NSMCE1: variants seen among roughly 807,000 people sequenced by gnomAD.
The protein encoded by NSMCE1 is non-structural maintenance of chromosomes element 1 homolog.
NSMCE1 carries 18 observed loss-of-function variants against 29.6 expected under a neutral mutation model. That is an observed-to-expected ratio of 0.61 (90% CI 0.42 to 0.90). The LOEUF is 0.90. Ranked by LOEUF, NSMCE1 falls within the 40% of genes least tolerant of loss-of-function variation. NSMCE1 has a pLI of 0.00. For synonymous variants in NSMCE1, 124 were observed against 133.4 expected (o/e 0.93, Z 0.49); for missense variants, 314 against 343.6 (o/e 0.91, Z 0.68).
At chr16:27,225,371 C>T (rs910951929) in intron 7 of NSMCE1, 135 bp from the exon 8 acceptor site, 2 of 648,416 alleles carry the variant, frequency 3.1e-6, no homozygotes, top group African/African-American at 1.8e-5. Context: ...TGCTAACCCT[C>T]CCCAGCCCGT....
chr16:27,253,029 A>T (rs2141006044), intron 2 of NSMCE1, among the ~76,000 whole-genome samples: 2 of 152,336 alleles, frequency 1.3e-5, no homozygotes, highest in South Asian at 4.1e-4. Flanking sequence ...TAGAGAGGGC[A>T]CGGAAACTCC....
At chr16:27,268,450 T>C (rs1326500963) in intron 1 of NSMCE1, 2 of 152,238 alleles carry the variant, frequency 1.3e-5, no homozygotes, top group African/African-American at 4.8e-5. Context: ...ATAGTAAGAT[T>C]TTTAGATGTC....
chr16:27,240,979 C>T (rs559884900), intron 2 of NSMCE1, among the ~76,000 whole-genome samples: 3 of 152,156 alleles, frequency 2.0e-5, no homozygotes, highest in Non-Finnish European at 4.4e-5. Flanking sequence ...GAGGCTGAGG[C>T]AGGAGGATAG....
intron 2 of NSMCE1, among the ~76,000 whole-genome samples, chr16:27,251,742 T>C (rs1239453654): frequency 6.6e-6 from 1 of 152,250 alleles, no homozygotes; most frequent in Admixed American, 6.5e-5. Context: ...TGTGAATAGC[T>C]GGCATTGTTT....
rs2084258131 is a variant in NSMCE1 at position 27,268,768 on chromosome 16, C to T, written c.-74G>A. 1 of 152,772 alleles carries T rather than the reference C, an allele frequency of 6.5e-6. No homozygotes were observed. The highest frequency in any genetic ancestry group is 1.5e-5 in the Non-Finnish European group (1 of 68,080). The allele number at this position is 152,772 out of a possible 1,614,324, so 9.5% of individuals were successfully genotyped here. A position where few individuals can be genotyped will look rare whatever the true frequency, so the allele number is the denominator to read the frequency against. ...TACGGTCGCAAGGTGGACTCTTCTT[C>T]CTTTGAGGCGGGGCGAACGCGAACG... On this transcript the variant is annotated 5_prime_UTR_variant, in exon 1 of 8. Transcript: ENST00000361439.
At position 27,226,778 on chromosome 16, in the gene NSMCE1, C is replaced by G; in HGVS notation, c.542G>C (p.Arg181Pro). The part of the protein sequence containing the change: ...RAILEMEQYI[R>P]ETYPDAVKIC... ...CTTCACCGCGTCGGGGTACGTCTCC[C>G]GGATGTATTGCTCCATCTCCAGGAT... The change falls in exon 6 of 8, where the codon CGG becomes CCG. Residue 181 changes from arginine (R) to proline (P), a missense_variant. Coordinates refer to ENST00000361439, the MANE Select transcript of NSMCE1 (RefSeq NM_145080.4). 6.2e-7 allele frequency: 1 copy of G among 1,614,046 alleles called. No individual in the cohort carries two copies. Among genetic ancestry groups the G allele is most frequent in the East Asian group, 2.2e-5 (1 of 44,878 alleles).
rs1567273592 is a variant in NSMCE1, at chr16:27,233,062, ATCT to A, written c.419_421del (p.Lys140del). 1 of 1,614,154 alleles carries A rather than the reference ATCT, an allele frequency of 6.2e-7. No homozygotes were observed. The highest frequency in any genetic ancestry group is 1.7e-5 in the Admixed American group (1 of 60,026). ...CACCTGCTCCGCTTCCTTCTTCCTC[ATCT>A]TCTTGCCTTTAAGTTGATCAACCAG... On this transcript the variant is annotated inframe_deletion, in exon 5 of 8. Coordinates refer to ENST00000361439, the MANE Select transcript of NSMCE1 (RefSeq NM_145080.4).
chr16:27,243,282 C>T (rs903647637), intron 2 of NSMCE1, among the ~76,000 whole-genome samples: 13 of 152,208 alleles, frequency 8.5e-5, no homozygotes, highest in African/African-American at 2.9e-4. Context: ...GCAGGAAACC[C>T]GCTGTCATGA....
At chr16:27,229,761 TAG>T (rs1475317140) in intron 5 of NSMCE1, among the ~76,000 whole-genome samples, 1 of 152,138 alleles carries the variant, frequency 6.6e-6, no homozygotes, top group African/African-American at 2.4e-5. Flanking sequence ...ATATTTTTAG[TAG>T]AGACAGGGTT....
intron 2 of NSMCE1, among the ~76,000 whole-genome samples, chr16:27,254,976 T>G (rs1420263510): frequency 1.4e-5 from 2 of 146,936 alleles, no homozygotes; most frequent in African/African-American, 5.1e-5. Context: ...GCCTCCCAGG[T>G]TCAAGCAATT....
chr16:27,267,853 C>A (rs1358484147), intron 1 of NSMCE1, among the ~76,000 whole-genome samples: 1 of 151,876 alleles, frequency 6.6e-6, no homozygotes, highest in Non-Finnish European at 1.5e-5. Flanking sequence ...CTCAGCCTTC[C>A]GTCTCAGCCT....
rs751322937 is a variant in NSMCE1, at chr16:27,257,486, C to G, written c.85G>C (p.Glu29Gln). ...TGCAAGCGCTTCACGTCCCATTCCTCTAGCACGCCATGGGTCATCAGCAAC... is the reference window on the plus strand; with the variant it reads ...TGCAAGCGCTTCACGTCCCATTCCTGTAGCACGCCATGGGTCATCAGCAAC... ...LQLLMTHGVL[E>Q]EWDVKRLQTH... is the part of the protein sequence containing the mutation. Residue 29 changes from glutamate to glutamine, a missense_variant, in exon 2 of 8, where the codon GAG becomes CAG. Physicochemically the swap from Glu to Gln is conservative, Grantham distance 29. Coordinates refer to ENST00000361439, the MANE Select transcript of NSMCE1 (RefSeq NM_145080.4). 1 of 1,614,042 alleles carries G rather than the reference C, an allele frequency of 6.2e-7. No homozygotes were observed. The highest frequency in any genetic ancestry group is 8.5e-7 in the Non-Finnish European group (1 of 1,179,938).
intron 1 of NSMCE1, among the ~76,000 whole-genome samples, chr16:27,258,388 C>G (rs1408123471): frequency 6.6e-6 from 1 of 152,254 alleles, no homozygotes; most frequent in African/African-American, 2.4e-5. Context: ...AGTCCCAGAT[C>G]TGCCTGATCC....
rs1052102982 is a variant in NSMCE1 at position 27,231,946 on chromosome 16, C to T, written c.483+1055G>A. 4.6e-5 allele frequency among the ~76,000 whole-genome samples: 7 copies of T among 152,304 alleles called. No homozygotes were observed. The East Asian group carries it at 7.7e-4, about 17-fold the overall frequency. ...ACGGGAACGCGCCCAGCAGATCCTG[C>T]ACTCACCAGGAGCTCCCAGCCCTGC... On this transcript the variant is annotated intron_variant, in intron 5 of 7. Transcript: ENST00000361439.
intron 2 of NSMCE1, chr16:27,241,597 GAA>G (rs1256824022): frequency 5.7e-6 from 1 of 176,080 alleles, no homozygotes; most frequent in African/African-American, 2.4e-5. Context: ...ACCGCCTGGG[GAA>G]AAAGATTCTC....
chr16:27,251,159 A>AATAT (rs1166070119), intron 2 of NSMCE1, among the ~76,000 whole-genome samples: 8,784 of 65,148 alleles, frequency 0.13, 581 homozygotes, highest in Non-Finnish European at 0.16. Context: ...AATTATTTAA[A>AATAT]ATATATATAT....
chr16:27,242,823 G>A lies in NSMCE1; in HGVS notation c.137-7524C>T, dbSNP rs557225519. 3.3e-4 allele frequency among the ~76,000 whole-genome samples: 50 copies of A among 152,274 alleles called. 1 individual carries two copies. In the Middle Eastern group the frequency reaches 0.014, roughly 41 times the overall value. On this transcript the variant is annotated intron_variant, in intron 2 of 7. Coordinates refer to ENST00000361439, the MANE Select transcript of NSMCE1 (RefSeq NM_145080.4). The stretch of plus-strand genomic sequence containing the variant: ...TGGCAGCTCTGACACCTTCTGTGGC[G>A]CTCTGGTCCCCATCCCTACCCATGC...
chr16:27,233,189 CA>C, intron 4 of NSMCE1, 42 bp from the exon 5 acceptor site: 1 of 1,579,438 alleles, frequency 6.3e-7, no homozygotes, highest in Non-Finnish European at 8.6e-7. Context: ...ATTAAAATGG[CA>C]AAAATAACTT....
chr16:27,228,358 T>C lies in NSMCE1; in HGVS notation c.484-1522A>G, dbSNP rs549295175. Among the ~76,000 whole-genome samples the C allele has an allele frequency of 2.6e-5, 4 of 152,138 alleles. No homozygotes were observed. In the East Asian group the frequency reaches 7.7e-4, roughly 29 times the overall value. On this transcript the variant is annotated intron_variant, in intron 5 of 7. Coordinates refer to ENST00000361439, the MANE Select transcript of NSMCE1 (RefSeq NM_145080.4). ...GCTGGTGCACAGGGGCTTTGTGTCA[T>C]CCAAGTGCTGTGGGCAATGGGAGGA...
Sources: gnomAD v4.1 joint callset for allele counts (sites outside exome capture counted in the v4.1 genomes callset) on GRCh38, gnomAD v4.1.1 for gene constraint, MANE v1.5 for transcripts, NCBI Gene and HGNC (gene_info 2026-07-23, HGNC 2026-07-21) for gene names.